PAN3: variants seen among roughly 807,000 people sequenced by gnomAD.
PAN3 encodes the protein poly(A) specific ribonuclease subunit PAN3.
In PAN3, 19 loss-of-function variants were observed where a neutral mutation model predicts 96.2. That is an observed-to-expected ratio of 0.20 (90% CI 0.14 to 0.29). The LOEUF is 0.29. Ranked by LOEUF, PAN3 falls within the 10% of genes least tolerant of loss-of-function variation. PAN3 has a pLI of 1.00. For missense variants in PAN3, 882 were observed against 1,108.1 expected (o/e 0.80, Z 2.90); for synonymous variants, 433 against 406.6 (o/e 1.06, Z -0.78).
At chr13:28,147,741 C>T (rs1418961207) in intron 1 of PAN3, among the ~76,000 whole-genome samples, 1 of 152,150 alleles carries the variant, frequency 6.6e-6, no homozygotes, top group Non-Finnish European at 1.5e-5. Context: ...TTTTTCACAT[C>T]ATCATAAAGT....
At position 28,158,594 on chromosome 13, in the gene PAN3, T is replaced by G. The variant is rs190253707; in HGVS notation, c.431-15678T>G. Among the ~76,000 whole-genome samples the G allele has an allele frequency of 3.7e-4, 57 of 152,322 alleles. No individual in the cohort carries two copies. The East Asian group carries it at 0.01, about 27-fold the overall frequency. ...TGAGCATATGAAAAAATGCTCAACA[T>G]TGGCTGGGCGTGGTGGCTCACGCCT... is the stretch of plus-strand genomic sequence containing the variant. On this transcript the variant is annotated intron_variant, in intron 1 of 18. Transcript: ENST00000380958.
chr13:28,289,606 G>T (rs538607633), intron 18 of PAN3, among the ~76,000 whole-genome samples: 1 of 152,234 alleles, frequency 6.6e-6, no homozygotes, highest in Non-Finnish European at 1.5e-5. Flanking sequence ...AAAAGGCTAG[G>T]CGCAGTAGCT....
chr13:28,221,587 C>T (rs1056832022), intron 6 of PAN3, among the ~76,000 whole-genome samples: 1 of 152,106 alleles, frequency 6.6e-6, no homozygotes, highest in Non-Finnish European at 1.5e-5. Flanking sequence ...TCAGAGTACT[C>T]AGAGCTTAAT....
chr13:28,283,561 C>T (rs570590192), intron 17 of PAN3, among the ~76,000 whole-genome samples: 1 of 152,212 alleles, frequency 6.6e-6, no homozygotes, highest in South Asian at 2.1e-4. Flanking sequence ...TATCCCCTCC[C>T]CCTTTAAATA....
At chr13:28,208,728 T>G (rs1447146276) in intron 5 of PAN3, among the ~76,000 whole-genome samples, 1 of 152,220 alleles carries the variant, frequency 6.6e-6, no homozygotes. Context: ...CACATCCGGT[T>G]TTATTTTTAA....
chr13:28,162,883 T>A (rs1393376957), intron 1 of PAN3, among the ~76,000 whole-genome samples: 1 of 150,536 alleles, frequency 6.6e-6, no homozygotes, highest in Non-Finnish European at 1.5e-5. Context: ...AAAAAAAACC[T>A]AACAAAAATG....
At chr13:28,153,232 C>CCT (rs1871619235) in intron 1 of PAN3, among the ~76,000 whole-genome samples, 1 of 101,532 alleles carries the variant, frequency 9.8e-6, no homozygotes, top group Non-Finnish European at 1.9e-5. Flanking sequence ...GTATAATACG[C>CCT]TTTTTTTTTT....
At chr13:28,262,263 A>G (rs1885804739) in intron 9 of PAN3, among the ~76,000 whole-genome samples, 1 of 152,234 alleles carries the variant, frequency 6.6e-6, no homozygotes, top group Non-Finnish European at 1.5e-5. Context: ...TTCTAACTGT[A>G]CCACAATATT....
intron 5 of PAN3, among the ~76,000 whole-genome samples, chr13:28,212,533 C>T (rs1249383586): frequency 6.6e-6 from 1 of 152,014 alleles, no homozygotes; most frequent in African/African-American, 2.4e-5. Flanking sequence ...CAAAACTGAT[C>T]CAGAAATAGT....
chr13:28,256,000 G>C (rs1000615448), intron 6 of PAN3, among the ~76,000 whole-genome samples: 22 of 151,752 alleles, frequency 1.4e-4, no homozygotes, highest in African/African-American at 5.3e-4. Context: ...TAAATTTTTG[G>C]TCACTCTTGC....
In PAN3 at chr13:28,138,728, CGGTGGCGGT is replaced by C. The variant is rs774043609; in HGVS notation, c.78_86del (p.Val27_Ala29del). Reference sequence around the variant, plus strand: ...CCTTCCTCCTCCTCGCTGGCGGCGGCGGTGGCGGTGGTGGCCCCGCCGGGGGTCGGGGGT... The same window carrying C: ...CCTTCCTCCTCCTCGCTGGCGGCGGCGGTGGCCCCGCCGGGGGTCGGGGGT... On this transcript the variant is annotated inframe_deletion, in exon 1 of 19. Coordinates refer to ENST00000380958, the MANE Select transcript of PAN3 (RefSeq NM_175854.8). The C allele has an allele frequency of 1.7e-5, 22 of 1,259,324 alleles. No individual in the cohort carries two copies. The highest frequency in any genetic ancestry group is 1.3e-4 in the Admixed American group (3 of 23,870). 78.0% of individuals were successfully genotyped at this position (1,259,324 alleles called of 1,614,324 possible).
chr13:28,189,281 G>C (rs1343496512), intron 4 of PAN3, among the ~76,000 whole-genome samples: 1 of 152,170 alleles, frequency 6.6e-6, no homozygotes, highest in Non-Finnish European at 1.5e-5. Flanking sequence ...ACTTTGGGAG[G>C]CCACGCCGGG....
chr13:28,220,313 C>T lies in PAN3; in HGVS notation c.935C>T (p.Ser312Phe), dbSNP rs1881268784. 5.6e-6 allele frequency: 9 copies of T among 1,613,768 alleles called. No homozygotes were observed. The highest frequency in any genetic ancestry group is 7.6e-6 in the Non-Finnish European group (9 of 1,179,776). ...AGTAACGTGTCCCAGTCAAATATGTCTGCCTTCTCTCAAGTTTTCTCTCAC... is the reference window on the plus strand; with the variant it reads ...AGTAACGTGTCCCAGTCAAATATGTTTGCCTTCTCTCAAGTTTTCTCTCAC... ...RLSNVSQSNMSAFSQVFSHPS... is the reference protein window; with the variant it reads ...RLSNVSQSNMFAFSQVFSHPS... Residue 312 changes from serine to phenylalanine, a missense_variant, in exon 6 of 19, where the codon TCT becomes TTT. Transcript: ENST00000380958.
chr13:28,286,607 T>TA (rs964447931), intron 17 of PAN3, among the ~76,000 whole-genome samples: 5 of 152,220 alleles, frequency 3.3e-5, no homozygotes, highest in African/African-American at 9.6e-5. Flanking sequence ...TCAGGTCTAC[T>TA]AAGTCATCCC....
intron 6 of PAN3, among the ~76,000 whole-genome samples, chr13:28,241,008 C>A (rs1883610855): frequency 6.6e-6 from 1 of 152,138 alleles, no homozygotes; most frequent in African/African-American, 2.4e-5. Flanking sequence ...GCCTGTTATC[C>A]CAACACTTTG....
At chr13:28,271,228 G>C (rs1490264890) in intron 13 of PAN3, among the ~76,000 whole-genome samples, 1 of 152,148 alleles carries the variant, frequency 6.6e-6, no homozygotes, top group Admixed American at 6.5e-5. Context: ...CCTACCCCCA[G>C]AGATTTTCAT....
At chr13:28,217,559 C>G (rs1371139295) in intron 5 of PAN3, among the ~76,000 whole-genome samples, 1 of 147,940 alleles carries the variant, frequency 6.8e-6, no homozygotes, top group Non-Finnish European at 1.5e-5. Flanking sequence ...TCCAGCCTGG[C>G]AACAGAGTGA....
chr13:28,158,767 A>C (rs796846859), intron 1 of PAN3, among the ~76,000 whole-genome samples: 4 of 151,880 alleles, frequency 2.6e-5, no homozygotes, highest in African/African-American at 9.7e-5. Flanking sequence ...AGTCCCAGCT[A>C]CTCAGGAGGC....
chr13:28,186,180 C>T (rs758777044), intron 4 of PAN3, among the ~76,000 whole-genome samples: 3 of 152,086 alleles, frequency 2.0e-5, no homozygotes, highest in Non-Finnish European at 4.4e-5. Context: ...TAATTAAATA[C>T]AAAAATATTT....
Sources: gnomAD v4.1 joint callset for allele counts (sites outside exome capture counted in the v4.1 genomes callset) on GRCh38, gnomAD v4.1.1 for gene constraint, MANE v1.5 for transcripts, NCBI Gene and HGNC (gene_info 2026-07-23, HGNC 2026-07-21) for gene names.